Variants in SPART observed in about 807,000 individuals in gnomAD.
The protein encoded by SPART is spastic paraplegia 20 (Troyer syndrome).
In SPART, 35 loss-of-function variants were observed where a neutral mutation model predicts 58.7. That is an observed-to-expected ratio of 0.60 (90% CI 0.46 to 0.79). The LOEUF (loss-of-function observed/expected upper bound fraction) is 0.79. Among genes scored for constraint, SPART ranks in the 30% least tolerant of loss-of-function variants. The probability of loss-of-function intolerance (pLI) is 0.00; values close to 1 mark genes in which losing one functional copy is unlikely to be tolerated. For missense variants in SPART, 730 were observed against 786.1 expected (o/e 0.93, Z 0.85); for synonymous variants, 284 against 280.7 (o/e 1.01, Z -0.12).
intron 5 of SPART, among the ~76,000 whole-genome samples, chr13:36,318,341 T>G (rs1187609900): frequency 6.6e-6 from 1 of 152,138 alleles, no homozygotes; most frequent in Non-Finnish European, 1.5e-5. Context: ...CCAAATCAGA[T>G]AGCGTTTAGG....
chr13:36,367,402 A>T (rs1886102178), intron 1 of SPART, among the ~76,000 whole-genome samples: 1 of 152,104 alleles, frequency 6.6e-6, no homozygotes, highest in African/African-American at 2.4e-5. Flanking sequence ...TGACATGCCT[A>T]GTCAAACGAA....
upstream of SPART, among the ~76,000 whole-genome samples, chr13:36,350,299 C>T (rs1469338834): frequency 6.6e-6 from 1 of 152,192 alleles, no homozygotes; most frequent in Non-Finnish European, 1.5e-5. Flanking sequence ...AACACTTACA[C>T]AGATGGAGCT....
At chr13:36,348,577 C>T (rs1437979663), upstream of SPART, among the ~76,000 whole-genome samples, 1 of 151,604 alleles carries the variant, frequency 6.6e-6, no homozygotes, top group Non-Finnish European at 1.5e-5. Flanking sequence ...ATGAACATTT[C>T]AAAAATGAAA....
At chr13:36,354,561 A>G (rs912559249) in intron 1 of SPART, among the ~76,000 whole-genome samples, 5 of 152,234 alleles carry the variant, frequency 3.3e-5, no homozygotes, top group African/African-American at 1.2e-4. Context: ...GTTGTCATGC[A>G]TCATTGCTAA....
chr13:36,366,005 T>C (rs1054310469), intron 1 of SPART, among the ~76,000 whole-genome samples: 4 of 152,210 alleles, frequency 2.6e-5, no homozygotes, highest in Non-Finnish European at 5.9e-5. Context: ...TTCCTCTCTC[T>C]GGTCTCTCTA....
chr13:36,332,962 C>CA (rs1337958936), intron 2 of SPART, among the ~76,000 whole-genome samples: 10 of 149,690 alleles, frequency 6.7e-5, no homozygotes, highest in Admixed American at 1.3e-4. Context: ...ATAGAGTTGA[C>CA]AAAAAAATTG....
chr13:36,331,465 C>T lies in SPART; in HGVS notation c.942G>A (p.Glu314=), dbSNP rs1883451297. The T allele has an allele frequency of 1.2e-6, 2 of 1,614,014 alleles. No homozygotes were observed. The highest frequency in any genetic ancestry group is 2.2e-5 in the East Asian group (1 of 44,860). Residue 314 remains glutamate, a synonymous_variant, in exon 3 of 9, where the codon GAG becomes GAA. Transcript: ENST00000438666. ...GCFVGVVLSS[E]LPEDDRELFE... ...AGAGCTCTCTATCATCCTCTGGTAA[C>T]TCAGAGGACAGGACGACCCCCACAA...
intron 1 of SPART, among the ~76,000 whole-genome samples, chr13:36,343,323 C>T (rs1057270463): frequency 6.6e-6 from 1 of 151,988 alleles, no homozygotes; most frequent in African/African-American, 2.4e-5. Flanking sequence ...AGATAATATT[C>T]TGTGGGGTGG....
intron 1 of SPART, among the ~76,000 whole-genome samples, chr13:36,353,815 G>A (rs1593290572): frequency 1.3e-5 from 2 of 152,290 alleles, no homozygotes; most frequent in East Asian, 3.9e-4. Flanking sequence ...ATTTCAGAGT[G>A]GTTGTGTTTT....
At chr13:36,369,471 T>C (rs938064903) in intron 1 of SPART, 1 of 152,210 alleles carries the variant, frequency 6.6e-6, no homozygotes, top group African/African-American at 2.4e-5. Context: ...TCTGGAACCA[T>C]AACTGATTTA....
chr13:36,346,634 C>T (rs1352881252), upstream of SPART: 1 of 152,302 alleles, frequency 6.6e-6, no homozygotes, highest in Non-Finnish European at 1.5e-5. Flanking sequence ...CAAGAGTCAC[C>T]GTAACACTCT....
At chr13:36,362,681 C>A (rs1885911396) in intron 1 of SPART, among the ~76,000 whole-genome samples, 1 of 152,114 alleles carries the variant, frequency 6.6e-6, no homozygotes, top group Admixed American at 6.5e-5. Context: ...TACTCCTCCA[C>A]CAGGCTAACC....
At chr13:36,353,243 G>A (rs890571697) in intron 1 of SPART, among the ~76,000 whole-genome samples, 3 of 152,186 alleles carry the variant, frequency 2.0e-5, no homozygotes, top group Non-Finnish European at 2.9e-5. Flanking sequence ...AGAATGAGAC[G>A]AAGAATGATG....
rs1476510831 is a variant in SPART at position 36,335,316 on chromosome 13, G to A, written c.515C>T (p.Pro172Leu). Residue 172 changes from proline (P) to leucine (L), a missense_variant, in exon 2 of 9, where the codon CCT becomes CTT. Coordinates refer to ENST00000438666, the MANE Select transcript of SPART (RefSeq NM_015087.5). ...TTCAGCAGCTTGAGGAGTATAAGCA[G>A]GAGGAGCTTCTGCTGGACAACTTTG... ...PSQSCPAEAP[P>L]AYTPQAAEGH... 2 of 1,613,906 alleles carry A rather than the reference G, an allele frequency of 1.2e-6. No homozygotes were observed. Among genetic ancestry groups the A allele is most frequent in the Non-Finnish European group, 1.7e-6 (2 of 1,179,968 alleles).
chr13:36,333,502 A>G (rs898264158), intron 2 of SPART, among the ~76,000 whole-genome samples: 2 of 151,448 alleles, frequency 1.3e-5, no homozygotes, highest in Non-Finnish European at 2.9e-5. Context: ...ACTCTGCTAC[A>G]AATACCTGAA....
At chr13:36,368,812 A>C (rs1886166539) in intron 1 of SPART, among the ~76,000 whole-genome samples, 1 of 152,168 alleles carries the variant, frequency 6.6e-6, no homozygotes, top group African/African-American at 2.4e-5. Context: ...CCATCTGGCC[A>C]ACATGGTGAA....
At chr13:36,361,978 C>G (rs926773871) in intron 1 of SPART, among the ~76,000 whole-genome samples, 23 of 152,254 alleles carry the variant, frequency 1.5e-4, no homozygotes, top group Admixed American at 4.6e-4. Flanking sequence ...GCAAAAATTA[C>G]CTTGAGCAAT....
At chr13:36,367,574 C>T (rs556899772) in intron 1 of SPART, among the ~76,000 whole-genome samples, 98 of 152,180 alleles carry the variant, frequency 6.4e-4, no homozygotes, top group African/African-American at 2.1e-3. Context: ...CCCTTTCCTT[C>T]TTGCCTATTA....
intron 1 of SPART, chr13:36,365,807 C>G (rs1341657804): frequency 3.6e-6 from 1 of 276,644 alleles, no homozygotes; most frequent in Non-Finnish European, 7.5e-6. Flanking sequence ...GGACTAAAGA[C>G]CTATCACCTC....
Sources: allele counts gnomAD v4.1 joint callset (sites outside exome capture counted in the v4.1 genomes callset), GRCh38; gene constraint gnomAD v4.1.1; transcripts MANE v1.5; gene names NCBI Gene and HGNC (gene_info 2026-07-23, HGNC 2026-07-21).